DOCK11: variants seen among roughly 807,000 people sequenced by gnomAD.
DOCK11 encodes the protein dedicator of cytokinesis 11.
DOCK11 carries 70 observed loss-of-function variants against 169.1 expected under a neutral mutation model. That is an observed-to-expected ratio of 0.41 (90% CI 0.34 to 0.51). The LOEUF (loss-of-function observed/expected upper bound fraction) is 0.51, where lower values mean the gene tolerates loss of function less well. DOCK11 is among the 20% of genes least tolerant of loss of function. The pLI, the probability that DOCK11 is intolerant of heterozygous loss-of-function variation, is 0.10. For missense variants in DOCK11, 1,166 were observed against 1,538.8 expected (o/e 0.76, Z 4.05); for synonymous variants, 529 against 541.3 (o/e 0.98, Z 0.32).
chrX:118,681,454 G>A (rs1052273829), intron 50 of DOCK11, among the ~76,000 whole-genome samples: 2 of 112,544 alleles, frequency 1.8e-5, no homozygotes, highest in Non-Finnish European at 3.8e-5. Flanking sequence ...ACATAAGTCC[G>A]ATGACTGTAG....
intron 19 of DOCK11, 92 bp from the exon 20 acceptor site, chrX:118,593,122 A>G: frequency 1.0e-6 from 1 of 989,679 alleles, no homozygotes; most frequent in Non-Finnish European, 1.4e-6. Flanking sequence ...TTTAGGAAGT[A>G]TTTTTGGAGC....
intron 1 of DOCK11, among the ~76,000 whole-genome samples, chrX:118,536,694 A>G (rs761285783): frequency 3.6e-5 from 4 of 111,699 alleles, no homozygotes; most frequent in African/African-American, 6.5e-5. Context: ...CAGCTCTCAC[A>G]TCTTGGGTTT....
intron 11 of DOCK11, among the ~76,000 whole-genome samples, 159 bp downstream of exon 11, chrX:118,572,622 A>AT (rs2147391479): frequency 8.9e-6 from 1 of 112,400 alleles, no homozygotes; most frequent in Admixed American, 9.4e-5. Flanking sequence ...TTATATATAT[A>AT]AAAAAGAAAT....
rs769643067 is a variant in DOCK11 at position 118,621,364 on chromosome X, G to C, written c.3471+2636G>C. On this transcript the variant is annotated intron_variant, in intron 31 of 52. Coordinates refer to ENST00000276202, the MANE Select transcript of DOCK11 (RefSeq NM_144658.4). ...TTCATTTATCAAATACATCCAAGTA[G>C]AGCATGTTTCCTATTAATGATGACA... Among the ~76,000 whole-genome samples the C allele has an allele frequency of 2.7e-5, 3 of 112,161 alleles. No homozygotes were observed. The South Asian group carries it at 1.1e-3, about 41-fold the overall frequency.
chrX:118,583,587 T>C (rs953312151), intron 14 of DOCK11, among the ~76,000 whole-genome samples: 1 of 110,888 alleles, frequency 9.0e-6, no homozygotes, highest in Non-Finnish European at 1.9e-5. Flanking sequence ...TTTTCCATTT[T>C]AGCAGCAGAA....
intron 20 of DOCK11, among the ~76,000 whole-genome samples, chrX:118,596,797 T>G (rs916059846): frequency 8.9e-6 from 1 of 111,816 alleles, no homozygotes; most frequent in African/African-American, 3.3e-5. Flanking sequence ...AAACACTATT[T>G]CCTGCCTGCA....
At chrX:118,654,473 G>A in intron 42 of DOCK11, 129 bp from the exon 43 acceptor site, 1 of 516,747 alleles carries the variant, frequency 1.9e-6, no homozygotes, top group Non-Finnish European at 3.1e-6. Context: ...AATTATTTCA[G>A]TGTACTATAT....
At chrX:118,551,073 C>T (rs1035834375) in intron 6 of DOCK11, among the ~76,000 whole-genome samples, 5 of 111,798 alleles carry the variant, frequency 4.5e-5, no homozygotes, top group African/African-American at 1.6e-4. Flanking sequence ...GATTTAGCAA[C>T]CAGCACCTCA....
chrX:118,584,001 T>C (rs965666619), intron 14 of DOCK11, among the ~76,000 whole-genome samples: 2 of 111,911 alleles, frequency 1.8e-5, no homozygotes, highest in Non-Finnish European at 3.8e-5. Flanking sequence ...GAGAACCGAC[T>C]CTACATTGTA....
chrX:118,673,868 A>T (rs968313300), intron 46 of DOCK11, among the ~76,000 whole-genome samples: 4 of 111,483 alleles, frequency 3.6e-5, no homozygotes, highest in African/African-American at 1.3e-4. Context: ...CTTATTCTGG[A>T]TATGTCATAT....
chrX:118,605,906 T>C (rs900958380), intron 24 of DOCK11, among the ~76,000 whole-genome samples: 2 of 111,234 alleles, frequency 1.8e-5, no homozygotes, highest in Admixed American at 1.9e-4. Context: ...AATATATTTC[T>C]CCTTTCATGT....
At position 118,654,474 on chromosome X, in the gene DOCK11, T is replaced by C. The variant is rs2016017631; in HGVS notation, c.4696-128T>C. The stretch of plus-strand genomic sequence containing the variant: ...AATAATTTATTTAAAATTATTTCAG[T>C]GTACTATATGCAATACCAAGAACTG... On this transcript the variant is annotated intron_variant, in intron 42 of 52. Transcript: ENST00000276202. 26 of 513,389 alleles carry C rather than the reference T, an allele frequency of 5.1e-5. No individual in the cohort carries two copies. The South Asian group carries it at 1.0e-3, about 21-fold the overall frequency. The allele number at this position is 513,389 out of a possible 1,213,427, so 42.3% of individuals were successfully genotyped here.
intron 40 of DOCK11, among the ~76,000 whole-genome samples, chrX:118,645,949 G>A (rs370459341): frequency 3.8e-5 from 4 of 105,449 alleles, no homozygotes; most frequent in African/African-American, 6.9e-5. Flanking sequence ...CCAGCTACAC[G>A]GGAGGCTGAG....
intron 10 of DOCK11, among the ~76,000 whole-genome samples, chrX:118,571,530 A>G (rs1401571000): frequency 1.8e-5 from 2 of 109,996 alleles, no homozygotes; most frequent in Admixed American, 9.7e-5. Flanking sequence ...TTTATTTTTT[A>G]TAGAGACAAG....
intron 44 of DOCK11, among the ~76,000 whole-genome samples, chrX:118,661,278 A>G (rs111696078): frequency 4.5e-5 from 5 of 110,994 alleles, no homozygotes; most frequent in Non-Finnish European, 9.4e-5. Context: ...CTTTCTCTCA[A>G]AGAAGTGTGG....
chrX:118,683,837 A>G (rs202200918), intron 52 of DOCK11, among the ~76,000 whole-genome samples: 2 of 112,285 alleles, frequency 1.8e-5, no homozygotes, highest in East Asian at 2.8e-4. Flanking sequence ...TGTATCAGTT[A>G]TTCCCATAAA....
intron 1 of DOCK11, among the ~76,000 whole-genome samples, chrX:118,516,004 A>AATATATATATATATATATAT (rs1191968312): frequency 0.071 from 3,198 of 44,878 alleles, 309 homozygotes; most frequent in Admixed American, 0.093. Flanking sequence ...GATTTGGGCA[A>AATATATATATATATATATAT]ATATATATAT....
Position 118,679,101 on chromosome X carries a change from TTA to T in DOCK11, c.5461-1379_5461-1378del, listed in dbSNP as rs1230422706. Reference sequence around the variant, plus strand: ...TACCACCATACCCCAGCTAATTTTTTTATGTTTCTTAGAGACAGGGTCTTGCT... The same window carrying T: ...TACCACCATACCCCAGCTAATTTTTTTGTTTCTTAGAGACAGGGTCTTGCT... On this transcript the variant is annotated intron_variant, in intron 48 of 52. Transcript: ENST00000276202. Among the ~76,000 whole-genome samples the T allele has an allele frequency of 3.6e-5, 4 of 110,442 alleles. No individual in the cohort carries two copies. In the Admixed American group the frequency reaches 3.9e-4, roughly 11 times the overall value.
chrX:118,529,128 G>A (rs1033484466), intron 1 of DOCK11, among the ~76,000 whole-genome samples: 7 of 109,441 alleles, frequency 6.4e-5, no homozygotes, highest in African/African-American at 1.7e-4. Context: ...CTACAGGCGC[G>A]TGCCACCATG....
Sources: gnomAD v4.1 joint callset for allele counts (sites outside exome capture counted in the v4.1 genomes callset) on GRCh38, gnomAD v4.1.1 for gene constraint, MANE v1.5 for transcripts, NCBI Gene and HGNC (gene_info 2026-07-23, HGNC 2026-07-21) for gene names.